KANK2: variants seen among roughly 807,000 people sequenced by gnomAD.
The protein encoded by KANK2 is KN motif and ankyrin repeat domain-containing protein 2.
Under a neutral mutation model 74.6 loss-of-function variants are expected in KANK2, and 41 were observed. The observed-to-expected ratio is 0.55, with a 90% confidence interval of 0.43 to 0.71. KANK2 has a LOEUF of 0.71. KANK2 is among the 30% of genes least tolerant of loss of function. The pLI, the probability that KANK2 is intolerant of heterozygous loss-of-function variation, is 0.00. For synonymous variants in KANK2, 537 were observed against 519.0 expected (o/e 1.03, Z -0.47); for missense variants, 1,148 against 1,196.4 (o/e 0.96, Z 0.60).
chr19:11,178,521 C>G, intron 5 of KANK2, 32 bp downstream of exon 5: 1 of 1,603,562 alleles, frequency 6.2e-7, no homozygotes, highest in Non-Finnish European at 8.5e-7. Flanking sequence ...ATCCCGGTGC[C>G]CCGTCCCTCT....
At chr19:11,191,695 T>A (rs1600824534) in intron 4 of KANK2, among the ~76,000 whole-genome samples, 1 of 152,314 alleles carries the variant, frequency 6.6e-6, no homozygotes, top group South Asian at 2.1e-4. Context: ...CACTTTCCCT[T>A]GCCTGCCTGA....
chr19:11,193,247 A>G lies in KANK2; in HGVS notation c.833T>C (p.Met278Thr). Residue 278 changes from methionine (M) to threonine (T), a missense_variant, in exon 4 of 13, where the codon ATG becomes ACG. Met to Thr is a moderately conservative substitution (Grantham distance 81). Transcript: ENST00000586659. The surrounding 1 kb of genome is among the most constrained non-coding windows in gnomAD (Gnocchi z 9.6). ...GTWVRERDLGMPDGEAALAAK... is the reference protein window; with the variant it reads ...GTWVRERDLGTPDGEAALAAK... Reference sequence around the variant, plus strand: ...GGCGAGGGCAGCCTCCCCATCAGGCATGCCCAAGTCCCGTTCTCGAACCCA... The same window carrying G: ...GGCGAGGGCAGCCTCCCCATCAGGCGTGCCCAAGTCCCGTTCTCGAACCCA... 2 of 1,610,368 alleles carry G rather than the reference A, an allele frequency of 1.2e-6. No individual in the cohort carries two copies. The highest frequency in any genetic ancestry group is 1.7e-6 in the Non-Finnish European group (2 of 1,179,774).
rs746940251 is a variant in KANK2, at chr19:11,193,161, G to C, written c.919C>G (p.Gln307Glu). Reference sequence around the variant, plus strand: ...GGCTGGGGGTCAGCCTGCCGGGCCTGAGCTGCCTGCAGCTCCTGCAGCGCC... The same window carrying C: ...GGCTGGGGGTCAGCCTGCCGGGCCTCAGCTGCCTGCAGCTCCTGCAGCGCC... ...KKALQELQAA[Q>E]ARQADPQPQA... The change falls in exon 4 of 13, where the codon CAG becomes GAG. Residue 307 changes from glutamine to glutamate, a missense_variant. Physicochemically the swap from Gln to Glu is conservative, Grantham distance 29. Transcript: ENST00000586659. The surrounding 1 kb of genome is among the most constrained non-coding windows in gnomAD (Gnocchi z 9.6). 2.5e-6 allele frequency: 4 copies of C among 1,610,086 alleles called. No individual in the cohort carries two copies. The highest frequency in any genetic ancestry group is 2.2e-5 in the East Asian group (1 of 44,866).
intron 10 of KANK2, among the ~76,000 whole-genome samples, chr19:11,171,224 A>G (rs1330296327): frequency 6.6e-6 from 1 of 152,084 alleles, no homozygotes; most frequent in Non-Finnish European, 1.5e-5. Context: ...TAGCGAGACC[A>G]TGTCTCTAGT....
chr19:11,173,379 T>C (rs1219866526), intron 9 of KANK2, among the ~76,000 whole-genome samples: 1 of 152,032 alleles, frequency 6.6e-6, no homozygotes, highest in Non-Finnish European at 1.5e-5. Flanking sequence ...AGAAACTGGG[T>C]CTCCCCTGTT....
At chr19:11,185,544 G>T (rs927677647) in intron 4 of KANK2, among the ~76,000 whole-genome samples, 4 of 149,700 alleles carry the variant, frequency 2.7e-5, no homozygotes, top group African/African-American at 9.8e-5. Flanking sequence ...CTTAGCTGTG[G>T]GTTGTAGAAA....
intron 6 of KANK2, among the ~76,000 whole-genome samples, chr19:11,177,811 G>A (rs766316438): frequency 2.0e-5 from 3 of 152,040 alleles, no homozygotes; most frequent in African/African-American, 4.8e-5. Flanking sequence ...CCCACTTCTC[G>A]TGTCACTCTG....
In KANK2 at chr19:11,193,166, GCCTGCAGCT is replaced by G. The variant is rs753261699; in HGVS notation, c.905_913del (p.Glu302_Gln304del). 17 of 1,610,378 alleles carry G rather than the reference GCCTGCAGCT, an allele frequency of 1.1e-5. No homozygotes were observed. Among genetic ancestry groups the G allele is most frequent in the Middle Eastern group, 1.6e-4 (1 of 6,076 alleles). ...GGGGTCAGCCTGCCGGGCCTGAGCT[GCCTGCAGCT>G]CCTGCAGCGCCTTCTTGAGCTGGGT... On this transcript the variant is annotated inframe_deletion, in exon 4 of 13. Coordinates refer to ENST00000586659, the MANE Select transcript of KANK2 (RefSeq NM_001136191.3). This position sits in a 1 kb window ranked among gnomAD's most constrained non-coding sequence, Gnocchi z 9.6.
chr19:11,173,096 C>G lies in KANK2; in HGVS notation c.2096G>C (p.Arg699Pro). Residue 699 changes from arginine (R) to proline (P), a missense_variant, in exon 10 of 13, where the codon CGT (arginine) becomes CCT (proline). Physicochemically the swap from Arg to Pro is moderately radical, Grantham distance 103. Transcript: ENST00000586659. The part of the protein sequence containing the change: ...SGVCKVDKQN[R>P]AGYSPIMLTA... ...GAGCATAATAGGGCTGTAGCCAGCA[C>G]GGTTCTGTTTGTCCACCTTGCAGAC... 2 of 1,613,922 alleles carry G rather than the reference C, an allele frequency of 1.2e-6. No homozygotes were observed. The highest frequency in any genetic ancestry group is 1.7e-6 in the Non-Finnish European group (2 of 1,179,908).
chr19:11,170,475 G>A lies in KANK2; in HGVS notation c.2212-227C>T, dbSNP rs1239277159. On this transcript the variant is annotated intron_variant, in intron 10 of 12. Coordinates refer to ENST00000586659, the MANE Select transcript of KANK2 (RefSeq NM_001136191.3). The surrounding 1 kb of genome is among the most constrained non-coding windows in gnomAD (Gnocchi z 5.2). ...CCAGAGGCTGGGAGAAGCGGGGGCG[G>A]AGGAAATGATGGATACAGGTTTCCT... 1 of 583,882 alleles carries A rather than the reference G, an allele frequency of 1.7e-6. No individual in the cohort carries two copies. The highest frequency in any genetic ancestry group is 1.9e-5 in the African/African-American group (1 of 53,612). The allele number at this position is 583,882 out of a possible 1,614,324, so 36.2% of individuals were successfully genotyped here. A position where few individuals can be genotyped will look rare whatever the true frequency, so the allele number is the denominator to read the frequency against.
intron 4 of KANK2, among the ~76,000 whole-genome samples, chr19:11,189,206 T>C (rs1465122284): frequency 6.7e-6 from 1 of 150,216 alleles, no homozygotes; most frequent in African/African-American, 2.4e-5. Context: ...GTCCTCCTGT[T>C]TTGGCCTCCG....
At chr19:11,175,077 C>T (rs2078295852) in intron 8 of KANK2, among the ~76,000 whole-genome samples, 1 of 151,890 alleles carries the variant, frequency 6.6e-6, no homozygotes, top group Admixed American at 6.6e-5. Flanking sequence ...CCCGCCTCTG[C>T]CTCCCAAGTA....
intron 4 of KANK2, among the ~76,000 whole-genome samples, chr19:11,185,188 G>A (rs969724967): frequency 1.4e-5 from 2 of 147,890 alleles, no homozygotes; most frequent in Non-Finnish European, 3.0e-5. Context: ...GGGGGGCCGA[G>A]GTGGGTGGAT....
chr19:11,170,256 G>C lies in KANK2; in HGVS notation c.2212-8C>G. 3 of 1,608,242 alleles carry C rather than the reference G, an allele frequency of 1.9e-6. No individual in the cohort carries two copies. The highest frequency in any genetic ancestry group is 2.5e-6 in the Non-Finnish European group (3 of 1,179,758). On this transcript the variant is annotated splice_polypyrimidine_tract_variant and splice_region_variant and intron_variant, in intron 10 of 12. Coordinates refer to ENST00000586659, the MANE Select transcript of KANK2 (RefSeq NM_001136191.3). The surrounding 1 kb of genome is among the most constrained non-coding windows in gnomAD (Gnocchi z 5.2). ...CAGGGCCGTCTGTCCTGCCTGGGGA[G>C]GGCAAGGAACAGGATTATGGTTCAT...
rs111784085 is a variant in KANK2 at position 11,166,931 on chromosome 19, C to T, written c.2503-320G>A. ...AGCATTCCAGGCAGCGGAAACAGCA[C>T]GTGCAAAGGCCCTGGGATAAGTGCA... On this transcript the variant is annotated intron_variant, in intron 12 of 12. Coordinates refer to ENST00000586659, the MANE Select transcript of KANK2 (RefSeq NM_001136191.3). Among the ~76,000 whole-genome samples the T allele has an allele frequency of 9.6e-3, 1,466 of 152,118 alleles. 24 individuals are homozygous for T. The highest frequency in any genetic ancestry group is 0.034 in the African/African-American group (1,406 of 41,480).
chr19:11,174,501 G>C lies in KANK2; in HGVS notation c.2040C>G (p.Phe680Leu), dbSNP rs1322069961. The C allele has an allele frequency of 6.2e-7, 1 of 1,612,928 alleles. No individual in the cohort carries two copies. Among genetic ancestry groups the C allele is most frequent in the South Asian group, 1.1e-5 (1 of 90,796 alleles). ...TGTCGAGCAGCTGCTGCACCACGGG[G>C]AAGTTGGCATGAGACACGGAGTAGT... ...ALHYSVSHAN[F>L]PVVQQLLDSG... Residue 680 changes from phenylalanine to leucine, a missense_variant, in exon 9 of 13, where the codon TTC (phenylalanine) becomes TTG (leucine). By Grantham distance (22) the Phe-to-Leu change is conservative. Coordinates refer to ENST00000586659, the MANE Select transcript of KANK2 (RefSeq NM_001136191.3).
Position 11,166,313 on chromosome 19 carries a change from C to G in KANK2, c.*245G>C, listed in dbSNP as rs1754015774. ...GCATCAGCCCTGGCGCCAATGTATACAAGAATTTTGCTTCGGTCTGCGCTG... is the reference window on the plus strand; with the variant it reads ...GCATCAGCCCTGGCGCCAATGTATAGAAGAATTTTGCTTCGGTCTGCGCTG... On this transcript the variant is annotated 3_prime_UTR_variant, in exon 13 of 13. Coordinates refer to ENST00000586659, the MANE Select transcript of KANK2 (RefSeq NM_001136191.3). 2.2e-6 allele frequency: 1 copy of G among 453,658 alleles called. No individual in the cohort carries two copies. Among genetic ancestry groups the G allele is most frequent in the Admixed American group, 3.8e-5 (1 of 26,486 alleles). 28.1% of individuals were successfully genotyped at this position (453,658 alleles called of 1,614,324 possible). A position where few individuals can be genotyped will look rare whatever the true frequency, so the allele number is the denominator to read the frequency against.
At position 11,175,882 on chromosome 19, in the gene KANK2, G is replaced by A; in HGVS notation, c.1848+20C>T. On this transcript the variant is annotated intron_variant, in intron 8 of 12. Transcript: ENST00000586659. ...AGGGGTCCGGGGGGTGGCCAACCTA[G>A]GCCCAGGGCCAGATCGTACCAGCTC... 1 of 1,607,146 alleles carries A rather than the reference G, an allele frequency of 6.2e-7. No individual in the cohort carries two copies. Among genetic ancestry groups the A allele is most frequent in the Non-Finnish European group, 8.5e-7 (1 of 1,174,910 alleles).
rs1179552309 is a variant in KANK2, at chr19:11,193,428, C to T, written c.652G>A (p.Val218Met). The change falls in exon 4 of 13, where the codon GTG (valine) becomes ATG (methionine). Residue 218 changes from valine to methionine, a missense_variant. Physicochemically the swap from Val to Met is conservative, Grantham distance 21. Transcript: ENST00000586659. This position sits in a 1 kb window ranked among gnomAD's most constrained non-coding sequence, Gnocchi z 9.6. ...LIPVLQVKLS[V>M]LQEEKRQLTV... ...AGCTGCCGCTTTTCCTCCTGGAGCA[C>T]CGAGAGCTTCACCTGGAGCACAGGG... 6.2e-7 allele frequency: 1 copy of T among 1,612,552 alleles called. No homozygotes were observed. Among genetic ancestry groups the T allele is most frequent in the African/African-American group, 1.3e-5 (1 of 75,052 alleles).
Sources: allele counts gnomAD v4.1 joint callset (sites outside exome capture counted in the v4.1 genomes callset), GRCh38; gene constraint gnomAD v4.1.1; non-coding constraint Gnocchi (gnomAD v3.1); transcripts MANE v1.5; gene names NCBI Gene and HGNC (gene_info 2026-07-23, HGNC 2026-07-21).